RARS1: variants seen among roughly 807,000 people sequenced by gnomAD.
RARS1 encodes arginine--tRNA ligase, cytoplasmic.
In RARS1, 75 loss-of-function variants were observed where a neutral mutation model predicts 78.7. That is an observed-to-expected ratio of 0.95 (90% CI 0.79 to 1.15). The LOEUF (loss-of-function observed/expected upper bound fraction) is 1.15, where lower values mean the gene tolerates loss of function less well. RARS1 is among the 50% of genes most tolerant of loss of function. RARS1 has a pLI of 0.00. For missense variants in RARS1, 787 were observed against 787.5 expected, an observed-to-expected ratio of 1.00 and a Z score of 0.01; for synonymous variants, 273 against 268.2, an observed-to-expected ratio of 1.02 and a Z score of -0.18.
In RARS1 at chr5:168,500,711, T is replaced by G. The variant is rs1489617272; in HGVS notation, c.943T>G (p.Ser315Ala). Residue 315 changes from serine to alanine, a missense_variant, in exon 8 of 15, where the codon TCC becomes GCC. Ser to Ala is a moderately conservative substitution (Grantham distance 99, BLOSUM62 1). Transcript: ENST00000231572. ...TKAWKLICDV[S>A]RQELNKIYDA... ...AGCTTGGAAGCTTATCTGTGATGTC[T>G]CCCGCCAAGGTGAGTTTCTGGGCTT... The G allele has an allele frequency of 4.3e-6, 7 of 1,611,012 alleles. No individual in the cohort carries two copies. Among genetic ancestry groups the G allele is most frequent in the African/African-American group, 1.3e-5 (1 of 74,650 alleles).
At chr5:168,488,094 CA>C in intron 1 of RARS1, 1 of 299,650 alleles carries the variant, frequency 3.3e-6, no homozygotes, top group Non-Finnish European at 6.6e-6. Flanking sequence ...TCCTGTCTCC[CA>C]AAACACATGT....
At chr5:168,514,569 A>C (rs6868421) in intron 12 of RARS1, among the ~76,000 whole-genome samples, 22,263 of 152,204 alleles carry the variant, frequency 0.15, 2,246 homozygotes, top group East Asian at 0.52. Context: ...GGTTTTAGAC[A>C]TAAAAAAGTT....
At chr5:168,491,548 A>G (rs1050650921) in intron 2 of RARS1, among the ~76,000 whole-genome samples, 6 of 152,198 alleles carry the variant, frequency 3.9e-5, no homozygotes, top group Admixed American at 6.5e-5. Flanking sequence ...TAATTTCTTC[A>G]TATGATAGAG....
chr5:168,517,731 G>T, intron 13 of RARS1, 84 bp from the exon 14 acceptor site: 2 of 1,504,658 alleles, frequency 1.3e-6, no homozygotes, highest in Admixed American at 2.2e-5. Context: ...CTTTTTAATC[G>T]GTGATAATTT....
In RARS1 at chr5:168,486,522, C is replaced by A. The variant is rs188021334; in HGVS notation, c.24C>A (p.Cys8Ter). ...GGATGGACGTACTGGTGTCTGAGTG[C>A]TCCGCGCGGCTGCTGCAGCAGGTTT... is the stretch of plus-strand genomic sequence containing the variant. MDVLVSE[C>*]SARLLQQEEE... Residue 8 changes from cysteine (C) to a stop codon, truncating the protein, a stop_gained, in exon 1 of 15, where the codon TGC becomes TGA. Coordinates refer to ENST00000231572, the MANE Select transcript of RARS1 (RefSeq NM_002887.4). LOFTEE classifies it high-confidence loss of function. The A allele has an allele frequency of 1.3e-6, 2 of 1,558,864 alleles. No homozygotes were observed. Among genetic ancestry groups the A allele is most frequent in the East Asian group, 4.7e-5 (2 of 42,214 alleles).
intron 6 of RARS1, chr5:168,496,939 CAG>C (rs1292851899): frequency 3.9e-6 from 1 of 254,738 alleles, no homozygotes; most frequent in Non-Finnish European, 7.3e-6. Flanking sequence ...ACAAAATAAA[CAG>C]ATTATAGTCC....
At position 168,486,484 on chromosome 5, in the gene RARS1, G is replaced by A; in HGVS notation, c.-15G>A. ...CCGCTTCCGTCCACTTGGCGAGTGAGACGCTGATGGGAGGATGGACGTACT... is the reference window on the plus strand; with the variant it reads ...CCGCTTCCGTCCACTTGGCGAGTGAAACGCTGATGGGAGGATGGACGTACT... On this transcript the variant is annotated 5_prime_UTR_variant, in exon 1 of 15. Transcript: ENST00000231572. 1.3e-6 allele frequency: 2 copies of A among 1,556,424 alleles called. No homozygotes were observed. Among genetic ancestry groups the A allele is most frequent in the Non-Finnish European group, 1.7e-6 (2 of 1,149,082 alleles).
intron 6 of RARS1, among the ~76,000 whole-genome samples, chr5:168,496,570 C>T (rs974229438): frequency 1.3e-5 from 2 of 151,700 alleles, no homozygotes; most frequent in Non-Finnish European, 1.5e-5. Context: ...GCAAGCTCTA[C>T]CTCCTGGGTT....
intron 11 of RARS1, among the ~76,000 whole-genome samples, chr5:168,507,237 A>G (rs139580659): frequency 9.2e-4 from 140 of 152,330 alleles, no homozygotes; most frequent in African/African-American, 3.2e-3. Context: ...TGAGATTCCA[A>G]TTAAGTTTTA....
Position 168,489,135 on chromosome 5 carries a change from A to C in RARS1, c.180+399A>C, listed in dbSNP as rs576439668. 7.2e-5 allele frequency among the ~76,000 whole-genome samples: 11 copies of C among 152,110 alleles called. No individual in the cohort carries two copies. In the South Asian group the frequency reaches 2.3e-3, roughly 32 times the overall value. On this transcript the variant is annotated intron_variant, in intron 2 of 14. Transcript: ENST00000231572. ...TTCAGGCTCAAGCAGTCATCCCACC[A>C]CAGCCTCCTGAGTGGCTGGGACTAC... is the stretch of plus-strand genomic sequence containing the variant.
At chr5:168,508,208 A>G (rs1758488885) in intron 11 of RARS1, among the ~76,000 whole-genome samples, 1 of 152,096 alleles carries the variant, frequency 6.6e-6, no homozygotes, top group Non-Finnish European at 1.5e-5. Flanking sequence ...TGCTCCTATT[A>G]TGGCATTTAA....
At chr5:168,498,984 T>A (rs1758259560) in intron 7 of RARS1, among the ~76,000 whole-genome samples, 3 of 150,904 alleles carry the variant, frequency 2.0e-5, no homozygotes. Flanking sequence ...AAAAAAAAAA[T>A]TATTTCTTCA....
chr5:168,509,923 G>T (rs1758533482), intron 11 of RARS1, among the ~76,000 whole-genome samples: 1 of 152,048 alleles, frequency 6.6e-6, no homozygotes, highest in African/African-American at 2.4e-5. Context: ...GTGAGCTGTG[G>T]TCATACTACT....
At chr5:168,489,879 A>G (rs191240706) in intron 2 of RARS1, among the ~76,000 whole-genome samples, 26 of 151,010 alleles carry the variant, frequency 1.7e-4, no homozygotes, top group African/African-American at 6.3e-4. Flanking sequence ...CAATGGCACA[A>G]TCTCAGCTCA....
intron 4 of RARS1, chr5:168,494,216 C>T: frequency 2.0e-6 from 2 of 980,418 alleles, no homozygotes; most frequent in Non-Finnish European, 2.4e-6. Flanking sequence ...CTTTGCCTCT[C>T]TGTGATTCAG....
rs1486564265 is a variant in RARS1, at chr5:168,495,417, GC to G, written c.683del (p.Ala228GlufsTer8). The G allele has an allele frequency of 6.2e-7, 1 of 1,613,758 alleles. No homozygotes were observed. The highest frequency in any genetic ancestry group is 8.5e-7 in the Non-Finnish European group (1 of 1,179,784). ...GESISRLFEF[A>X]GYDVLRLNHV... is the part of the protein sequence containing the mutation. ...GAGTATAAGCCGCCTCTTTGAATTTGCAGGGTATGACGTGCTCAGGTATGTG... is the reference window on the plus strand; with the variant it reads ...GAGTATAAGCCGCCTCTTTGAATTTGAGGGTATGACGTGCTCAGGTATGTG... On this transcript the variant is annotated frameshift_variant, in exon 6 of 15. Coordinates refer to ENST00000231572, the MANE Select transcript of RARS1 (RefSeq NM_002887.4). LOFTEE classifies it high-confidence loss of function.
intron 9 of RARS1, among the ~76,000 whole-genome samples, chr5:168,504,377 A>T (rs1303282711): frequency 6.6e-6 from 1 of 151,714 alleles, no homozygotes; most frequent in Non-Finnish European, 1.5e-5. Context: ...ACAAAAAATT[A>T]GCTGGTGTGG....
intron 12 of RARS1, among the ~76,000 whole-genome samples, chr5:168,514,432 G>T (rs1355882627): frequency 1.3e-5 from 2 of 152,044 alleles, no homozygotes; most frequent in Admixed American, 6.5e-5. Context: ...CTACTTCAGA[G>T]AATATTTTGG....
intron 7 of RARS1, among the ~76,000 whole-genome samples, chr5:168,498,507 G>T (rs1010924305): frequency 6.6e-6 from 1 of 151,916 alleles, no homozygotes; most frequent in African/African-American, 2.4e-5. Context: ...TATAGTTTTT[G>T]TATTATATTT....
Sources: allele counts gnomAD v4.1 joint callset (sites outside exome capture counted in the v4.1 genomes callset), GRCh38; gene constraint gnomAD v4.1.1; transcripts MANE v1.5; gene names NCBI Gene and HGNC (gene_info 2026-07-23, HGNC 2026-07-21).